Variants in TPH2 observed in about 807,000 individuals in gnomAD.
TPH2 encodes tryptophan hydroxylase 2.
Under a neutral mutation model 59.1 loss-of-function variants are expected in TPH2, and 27 were observed. The observed-to-expected ratio is 0.46, with a 90% CI of 0.34 to 0.63. The LOEUF is 0.63. TPH2 is among the 30% of genes least tolerant of loss of function. The probability of loss-of-function intolerance (pLI) is 0.01; values close to 1 mark genes in which losing one functional copy is unlikely to be tolerated. For missense variants in TPH2, 523 were observed against 588.3 expected (o/e 0.89, Z 1.15); for synonymous variants, 220 against 210.5 (o/e 1.05, Z -0.39).
chr12:71,977,470 C>T (rs7962607), intron 6 of TPH2, among the ~76,000 whole-genome samples: 86,050 of 151,518 alleles, frequency 0.57, 24,663 homozygotes, highest in Middle Eastern at 0.6. Flanking sequence ...CACACACACA[C>T]AGACACACGC....
intron 8 of TPH2, among the ~76,000 whole-genome samples, chr12:72,014,868 T>C (rs1163889082): frequency 6.6e-6 from 1 of 152,138 alleles, no homozygotes; most frequent in African/African-American, 2.4e-5. Flanking sequence ...GATGTTGGGA[T>C]AGATATTTCA....
chr12:71,974,141 TC>T (rs1872050960), intron 6 of TPH2, among the ~76,000 whole-genome samples: 1 of 152,108 alleles, frequency 6.6e-6, no homozygotes, highest in Non-Finnish European at 1.5e-5. Context: ...TTCTTGCTTG[TC>T]TTCTCAGTTT....
At chr12:71,950,616 C>G (rs1012801078) in intron 5 of TPH2, among the ~76,000 whole-genome samples, 1 of 152,164 alleles carries the variant, frequency 6.6e-6, no homozygotes, top group African/African-American at 2.4e-5. Flanking sequence ...TCACAATGCT[C>G]TCTTTCCTCT....
At chr12:71,957,253 G>T (rs1289117078) in intron 5 of TPH2, among the ~76,000 whole-genome samples, 22 of 150,984 alleles carry the variant, frequency 1.5e-4, no homozygotes, top group Non-Finnish European at 4.4e-5. Context: ...GATTATTAGT[G>T]TCATGTGGTA....
intron 8 of TPH2, among the ~76,000 whole-genome samples, chr12:72,016,224 T>C (rs1873250169): frequency 6.6e-6 from 1 of 152,166 alleles, no homozygotes; most frequent in African/African-American, 2.4e-5. Flanking sequence ...TGAGGAAGCC[T>C]TCTTCTGGTT....
chr12:71,996,590 C>A (rs1271894435), intron 8 of TPH2, among the ~76,000 whole-genome samples: 1 of 152,080 alleles, frequency 6.6e-6, no homozygotes, highest in African/African-American at 2.4e-5. Flanking sequence ...GATCACGGAG[C>A]AAGATATATC....
chr12:71,994,310 A>AG (rs1398664514), intron 7 of TPH2, 129 bp from the exon 8 acceptor site: 23 of 964,996 alleles, frequency 2.4e-5, no homozygotes, highest in Non-Finnish European at 3.8e-5. Context: ...AAGAAGTCCC[A>AG]GCATTGATGA....
At chr12:71,952,068 AAT>A (rs1294830382) in intron 5 of TPH2, among the ~76,000 whole-genome samples, 2 of 152,328 alleles carry the variant, frequency 1.3e-5, no homozygotes, top group Admixed American at 6.5e-5. Flanking sequence ...ATACAAGTAG[AAT>A]ATATGAGTCA....
At chr12:72,012,355 G>A (rs935156612) in intron 8 of TPH2, among the ~76,000 whole-genome samples, 1 of 152,118 alleles carries the variant, frequency 6.6e-6, no homozygotes, top group African/African-American at 2.4e-5. Context: ...AGATGGACAC[G>A]AATCAGACGA....
chr12:72,019,482 T>C (rs536796976), intron 8 of TPH2, among the ~76,000 whole-genome samples: 1 of 152,346 alleles, frequency 6.6e-6, no homozygotes, highest in African/African-American at 2.4e-5. Flanking sequence ...AGCTGCCTTT[T>C]TAATTTCTTA....
chr12:71,968,482 C>T (rs1436086272), intron 5 of TPH2, among the ~76,000 whole-genome samples: 1 of 152,206 alleles, frequency 6.6e-6, no homozygotes, highest in African/African-American at 2.4e-5. Context: ...TGTCCAGGCT[C>T]CCCGTGGTAC....
chr12:71,949,774 A>T (rs1871294537), intron 5 of TPH2, 119 bp downstream of exon 5: 1 of 808,228 alleles, frequency 1.2e-6, no homozygotes, highest in Admixed American at 1.9e-5. Context: ...GAACCATTTT[A>T]AACACTCACC....
intron 5 of TPH2, among the ~76,000 whole-genome samples, chr12:71,953,141 C>T (rs1202353701): frequency 1.3e-5 from 2 of 151,694 alleles, no homozygotes; most frequent in Admixed American, 6.6e-5. Context: ...AGTCATATTC[C>T]TCCCCACCCC....
rs183499008 is a variant in TPH2, at chr12:71,978,292, G to A, written c.806-660G>A. Among the ~76,000 whole-genome samples the A allele has an allele frequency of 3.1e-3, 469 of 151,954 alleles. 15 individuals are homozygous for A. The South Asian group carries it at 0.066, about 21-fold the overall frequency. Reference sequence around the variant, plus strand: ...AGAAGAAAACATTAAGTAGCCCTTAGACTGAGAACACTGATGACTCACAAC... The same window carrying A: ...AGAAGAAAACATTAAGTAGCCCTTAAACTGAGAACACTGATGACTCACAAC... On this transcript the variant is annotated intron_variant, in intron 6 of 10. Coordinates refer to ENST00000333850, the MANE Select transcript of TPH2 (RefSeq NM_173353.4).
chr12:71,992,684 A>G (rs1199154066), intron 7 of TPH2, among the ~76,000 whole-genome samples: 1 of 152,152 alleles, frequency 6.6e-6, no homozygotes, highest in South Asian at 2.1e-4. Context: ...TAGCTTCCTC[A>G]TTTGTTAAAT....
chr12:71,991,483 T>C (rs1872578065), intron 7 of TPH2, among the ~76,000 whole-genome samples: 1 of 152,220 alleles, frequency 6.6e-6, no homozygotes, highest in South Asian at 2.1e-4. Context: ...ACTCATCATC[T>C]TCAGTATTTT....
rs1350836794 is a variant in TPH2, at chr12:72,032,163, A to G, written c.*468A>G. ...CCAGAATTGTAGGAAACTTCCCATCACAATAACAAAGGTTCAATATTCTAT... is the reference window on the plus strand; with the variant it reads ...CCAGAATTGTAGGAAACTTCCCATCGCAATAACAAAGGTTCAATATTCTAT... On this transcript the variant is annotated 3_prime_UTR_variant, in exon 11 of 11. Transcript: ENST00000333850. 5.4e-6 allele frequency: 1 copy of G among 183,566 alleles called. No individual in the cohort carries two copies. Among genetic ancestry groups the G allele is most frequent in the Non-Finnish European group, 1.2e-5 (1 of 86,102 alleles). 11.4% of individuals were successfully genotyped at this position (183,566 alleles called of 1,614,324 possible).
chr12:71,958,637 CCT>C (rs552914469), intron 5 of TPH2, among the ~76,000 whole-genome samples: 8 of 152,084 alleles, frequency 5.3e-5, no homozygotes, highest in Non-Finnish European at 1.2e-4. Context: ...GTGATTTTTC[CCT>C]CTCTCCCAGG....
chr12:72,003,143 C>T (rs1747673059), intron 8 of TPH2, among the ~76,000 whole-genome samples: 1 of 152,122 alleles, frequency 6.6e-6, no homozygotes, highest in South Asian at 2.1e-4. Flanking sequence ...TGCTGAAAGA[C>T]TTATGCACAG....
Sources: allele counts gnomAD v4.1 joint callset (sites outside exome capture counted in the v4.1 genomes callset), GRCh38; gene constraint gnomAD v4.1.1; transcripts MANE v1.5; gene names NCBI Gene and HGNC (gene_info 2026-07-23, HGNC 2026-07-21).